Variants in ARHGAP6 observed in about 807,000 individuals in gnomAD.
ARHGAP6 encodes the protein Rho GTPase activating protein 6, also known as rho GTPase-activating protein 6.
ARHGAP6 carries 16 observed loss-of-function variants against 55.7 expected under a neutral mutation model. That is an observed-to-expected ratio of 0.29 (90% confidence interval 0.19 to 0.44). ARHGAP6 has a LOEUF of 0.44. Among genes scored for constraint, ARHGAP6 ranks in the 20% least tolerant of loss-of-function variants. The pLI, the probability that ARHGAP6 is intolerant of heterozygous loss-of-function variation, is 1.00. For synonymous variants in ARHGAP6, 382 were observed against 360.9 expected (o/e 1.06, Z -0.66); for missense variants, 698 against 808.9 (o/e 0.86, Z 1.66).
chrX:11,647,651 A>G (rs978192993), intron 1 of ARHGAP6, among the ~76,000 whole-genome samples: 5 of 112,307 alleles, frequency 4.5e-5, no homozygotes, highest in Non-Finnish European at 9.4e-5. Context: ...ATCAACACGC[A>G]TATGGCCATG....
intron 1 of ARHGAP6, among the ~76,000 whole-genome samples, chrX:11,316,890 A>T (rs1249816733): frequency 8.9e-6 from 1 of 112,543 alleles, no homozygotes; most frequent in East Asian, 2.8e-4. Context: ...AATAACAGGA[A>T]TTTCTTCTTT....
intron 1 of ARHGAP6, among the ~76,000 whole-genome samples, chrX:11,516,892 T>C (rs1377927857): frequency 9.0e-6 from 1 of 111,667 alleles, no homozygotes; most frequent in Non-Finnish European, 1.9e-5. Context: ...AAACTGTAAA[T>C]GTAGGCATTC....
Position 11,307,701 on chromosome X carries a change from G to A in ARHGAP6, c.589-52994C>T, listed in dbSNP as rs2048252176. On this transcript the variant is annotated intron_variant, in intron 1 of 12. Transcript: ENST00000337414. ...ATTTTTAAAGTACTTATTAAACATT[G>A]CTAAAATGTGCAGTTCTTATCAGCA... 6.2e-5 allele frequency among the ~76,000 whole-genome samples: 7 copies of A among 112,194 alleles called. No individual in the cohort carries two copies. In the Admixed American group the frequency reaches 6.6e-4, roughly 11 times the overall value.
chrX:11,329,199 T>G (rs144723637), intron 1 of ARHGAP6, among the ~76,000 whole-genome samples: 4 of 111,711 alleles, frequency 3.6e-5, no homozygotes, highest in Non-Finnish European at 7.5e-5. Context: ...ATGAGATCAT[T>G]ATGGGAAGTT....
Position 11,266,010 on chromosome X carries a change from CGT to C in ARHGAP6, c.589-11305_589-11304del, listed in dbSNP as rs745714281. 66 of 807,514 alleles carry C rather than the reference CGT, an allele frequency of 8.2e-5. No individual in the cohort carries two copies. In the East Asian group the frequency reaches 4.3e-3, roughly 53 times the overall value. 66.5% of individuals were successfully genotyped at this position (807,514 alleles called of 1,213,427 possible). A position where few individuals can be genotyped will look rare whatever the true frequency, so the allele number is the denominator to read the frequency against. ...GAGTAAGTGCACAAATGAGTGAGTG[CGT>C]GTGTTTGTATGCGTGTGTGCCTGTG... is the stretch of plus-strand genomic sequence containing the variant. On this transcript the variant is annotated intron_variant, in intron 1 of 12. Transcript: ENST00000337414.
chrX:11,356,980 G>A (rs1205481806), intron 1 of ARHGAP6, among the ~76,000 whole-genome samples: 1 of 111,507 alleles, frequency 9.0e-6, no homozygotes, highest in Non-Finnish European at 1.9e-5. Flanking sequence ...TTAATGGAGG[G>A]AGTGCATTTT....
chrX:11,175,306 AC>A (rs2046196446), intron 8 of ARHGAP6, among the ~76,000 whole-genome samples: 1 of 112,176 alleles, frequency 8.9e-6, no homozygotes, highest in African/African-American at 3.2e-5. Flanking sequence ...GTCACTGCTA[AC>A]GATTTCACGG....
intron 1 of ARHGAP6, among the ~76,000 whole-genome samples, chrX:11,506,580 A>T (rs1044106149): frequency 1.8e-5 from 2 of 110,918 alleles, no homozygotes; most frequent in East Asian, 5.7e-4. Context: ...TCATCCTTTT[A>T]TATGGCTGCA....
chrX:11,625,879 C>T (rs752306479), intron 1 of ARHGAP6, among the ~76,000 whole-genome samples: 2 of 111,692 alleles, frequency 1.8e-5, no homozygotes, highest in Admixed American at 9.5e-5. Flanking sequence ...CCAATAACTA[C>T]TGAAATTTTG....
intron 1 of ARHGAP6, among the ~76,000 whole-genome samples, chrX:11,424,237 T>C (rs1181171138): frequency 1.8e-5 from 2 of 112,268 alleles, no homozygotes; most frequent in Non-Finnish European, 3.8e-5. Flanking sequence ...CAGCGACACA[T>C]GTGCTGCCTT....
chrX:11,545,925 G>A (rs1215836541), intron 1 of ARHGAP6, among the ~76,000 whole-genome samples: 2 of 111,427 alleles, frequency 1.8e-5, no homozygotes, highest in Non-Finnish European at 3.8e-5. Flanking sequence ...GAAGGTAAAC[G>A]AGGGTGATGC....
chrX:11,507,281 A>C (rs1261692594), intron 1 of ARHGAP6, among the ~76,000 whole-genome samples: 1 of 110,289 alleles, frequency 9.1e-6, no homozygotes, highest in Non-Finnish European at 1.9e-5. Context: ...CTTTCCCTAC[A>C]CTCTCCAGGA....
chrX:11,510,351 G>A (rs773181290), intron 1 of ARHGAP6, among the ~76,000 whole-genome samples: 3 of 111,232 alleles, frequency 2.7e-5, no homozygotes, highest in Admixed American at 9.6e-5. Context: ...ATGGCTCCCT[G>A]AATTCATACC....
chrX:11,483,322 G>A (rs988370060), intron 1 of ARHGAP6, among the ~76,000 whole-genome samples: 2 of 111,965 alleles, frequency 1.8e-5, no homozygotes, highest in Non-Finnish European at 3.8e-5. Flanking sequence ...TGTTAACTCC[G>A]TCGCTTCTTG....
intron 12 of ARHGAP6, 149 bp downstream of exon 12, chrX:11,142,084 G>A: frequency 3.2e-6 from 1 of 314,212 alleles, no homozygotes. Flanking sequence ...GGCATATTTG[G>A]GTGGAAAGCC....
chrX:11,415,434 C>T (rs904003349), intron 1 of ARHGAP6, among the ~76,000 whole-genome samples: 4 of 112,118 alleles, frequency 3.6e-5, no homozygotes, highest in Non-Finnish European at 5.6e-5. Context: ...ACATCCATGA[C>T]AGAAAGAACT....
chrX:11,603,227 G>A (rs2051997923), intron 1 of ARHGAP6, among the ~76,000 whole-genome samples: 1 of 111,592 alleles, frequency 9.0e-6, no homozygotes, highest in African/African-American at 3.3e-5. Flanking sequence ...TTCCTAAATC[G>A]GTTTTCAGGC....
At chrX:11,403,709 A>C (rs1306408489) in intron 1 of ARHGAP6, among the ~76,000 whole-genome samples, 1 of 112,173 alleles carries the variant, frequency 8.9e-6, no homozygotes, top group African/African-American at 3.2e-5. Flanking sequence ...TGCTTGACTG[A>C]GCTTGGCTCC....
chrX:11,289,788 C>T (rs2047964096), intron 1 of ARHGAP6, among the ~76,000 whole-genome samples: 1 of 110,952 alleles, frequency 9.0e-6, no homozygotes, highest in Admixed American at 9.5e-5. Context: ...AGATGGAGAC[C>T]ATCCTGGACA....
Sources: allele counts gnomAD v4.1 joint callset (sites outside exome capture counted in the v4.1 genomes callset), GRCh38; gene constraint gnomAD v4.1.1; transcripts MANE v1.5; gene names NCBI Gene and HGNC (gene_info 2026-07-23, HGNC 2026-07-21).